OTOF: variants seen among roughly 807,000 people sequenced by gnomAD.
The protein encoded by OTOF is fer-1-like family member 2.
A neutral mutation model predicts 236.8 loss-of-function variants in OTOF; 218 were observed. The ratio of observed to expected loss-of-function variants is 0.92; its 90% CI spans 0.82 to 1.03. The LOEUF (loss-of-function observed/expected upper bound fraction) is 1.03. Ranked by LOEUF, OTOF falls within the 50% of genes least tolerant of loss-of-function variation. OTOF has a pLI of 0.00. For synonymous variants in OTOF, 1,041 were observed against 1,072.5 expected (o/e 0.97, Z 0.57); for missense variants, 2,590 against 2,694.4 (o/e 0.96, Z 0.86).
chr2:26,505,139 A>T (rs555298126), intron 5 of OTOF, among the ~76,000 whole-genome samples: 1 of 152,154 alleles, frequency 6.6e-6, no homozygotes, highest in African/African-American at 2.4e-5. Context: ...TTTACTGTTC[A>T]TATGCAGGAC....
chr2:26,518,838 A>G (rs1171070313), intron 4 of OTOF, among the ~76,000 whole-genome samples, 172 bp downstream of exon 4: 2 of 152,242 alleles, frequency 1.3e-5, no homozygotes, highest in Non-Finnish European at 2.9e-5. Flanking sequence ...GCCTCCAGCC[A>G]TGGCCACAGA....
At position 26,467,318 on chromosome 2, in the gene OTOF, C is replaced by T. The variant is rs374294487; in HGVS notation, c.4227+47G>A. 5.0e-6 allele frequency: 8 copies of T among 1,613,676 alleles called. No individual in the cohort carries two copies. In the African/African-American group the frequency reaches 1.1e-4, roughly 22 times the overall value. ...ACCTGCAGGATCACTGCGCCCCCCTCTTCCCGCCCCCACACACCCTAGAAG... is the reference window on the plus strand; with the variant it reads ...ACCTGCAGGATCACTGCGCCCCCCTTTTCCCGCCCCCACACACCCTAGAAG... On this transcript the variant is annotated intron_variant, in intron 34 of 46. Transcript: ENST00000272371.
chr2:26,471,354 G>A (rs1304783347), intron 30 of OTOF, among the ~76,000 whole-genome samples: 1 of 152,196 alleles, frequency 6.6e-6, no homozygotes, highest in African/African-American at 2.4e-5. Flanking sequence ...ATGTTTCTTT[G>A]GGTGGCCAAA....
chr2:26,478,153 T>C (rs901536740), intron 18 of OTOF: 9 of 729,012 alleles, frequency 1.2e-5, no homozygotes, highest in Non-Finnish European at 1.7e-5. Context: ...TGGGAACAGA[T>C]GCCTGGGGGA....
chr2:26,492,710 G>C (rs1321734522), intron 9 of OTOF, among the ~76,000 whole-genome samples: 1 of 152,162 alleles, frequency 6.6e-6, no homozygotes, highest in East Asian at 1.9e-4. Context: ...AGGAGACTGG[G>C]AGCCTCCAGT....
At chr2:26,469,364 G>A (rs1402010178) in intron 32 of OTOF, among the ~76,000 whole-genome samples, 1 of 152,196 alleles carries the variant, frequency 6.6e-6, no homozygotes, top group Non-Finnish European at 1.5e-5. Context: ...TGGCCAACTT[G>A]ATGGTGGGAG....
rs116154138 is a variant in OTOF, at chr2:26,474,195, G to T, written c.3289-85C>A. 4.0e-3 allele frequency: 6,269 copies of T among 1,580,742 alleles called. 186 individuals are homozygous for T. The African/African-American group carries it at 0.07, about 18-fold the overall frequency. ...CATGAGTTGTTTGCCATGATCTGGG[G>T]AGACAGGGAAACCCCCTAAGGACCA... On this transcript the variant is annotated intron_variant, in intron 26 of 46. Coordinates refer to ENST00000272371, the MANE Select transcript of OTOF (RefSeq NM_194248.3).
chr2:26,502,100 G>A (rs1386242069), intron 7 of OTOF, among the ~76,000 whole-genome samples, 200 bp downstream of exon 7: 3 of 152,274 alleles, frequency 2.0e-5, no homozygotes, highest in South Asian at 2.1e-4. Context: ...CTGAGAACAG[G>A]CCTGCAGCTG....
chr2:26,464,267 G>A (rs371059357), intron 39 of OTOF, among the ~76,000 whole-genome samples, 161 bp from the exon 40 acceptor site: 1 of 152,102 alleles, frequency 6.6e-6, no homozygotes, highest in Non-Finnish European at 1.5e-5. Flanking sequence ...AGGAGAAGTG[G>A]CTTGCCCAGG....
In OTOF at chr2:26,476,203, A is replaced by G; in HGVS notation, c.2791T>C (p.Cys931Arg). 6.2e-7 allele frequency: 1 copy of G among 1,610,372 alleles called. No individual in the cohort carries two copies. ...GCTGCCTTGACCTCCTGGAAGCCAC[A>G]GGGCAGGCCGCACAGGAACTCCTTG... ...QRKEFLCGLP[C>R]GFQEVKAAQG... is the part of the protein sequence containing the mutation. Residue 931 changes from cysteine (C) to arginine (R), a missense_variant, in exon 23 of 47, where the codon TGT (cysteine) becomes CGT (arginine). Transcript: ENST00000272371.
In OTOF at chr2:26,462,780, A is replaced by G. The variant is rs1572402616; in HGVS notation, c.5193-599T>C. Among the ~76,000 whole-genome samples, 1 of 152,222 alleles carries G rather than the reference A, an allele frequency of 6.6e-6. No individual in the cohort carries two copies. Among genetic ancestry groups the G allele is most frequent in the Non-Finnish European group, 1.5e-5 (1 of 68,042 alleles). ...TGGGGCCAGCGCCAAATGGAAATGC[A>G]GGGTCACTTGTCATAAAGAATTTCA... On this transcript the variant is annotated intron_variant, in intron 41 of 46. Transcript: ENST00000272371. This position sits in a 1 kb window ranked among gnomAD's most constrained non-coding sequence, Gnocchi z 4.7.
intron 32 of OTOF, among the ~76,000 whole-genome samples, chr2:26,469,114 G>A (rs1248640148): frequency 6.6e-6 from 1 of 152,032 alleles, no homozygotes; most frequent in South Asian, 2.1e-4. Flanking sequence ...AAAAAGTACA[G>A]TGCATTTTAA....
intron 38 of OTOF, among the ~76,000 whole-genome samples, chr2:26,465,304 C>T (rs1433567279): frequency 6.6e-6 from 1 of 152,190 alleles, no homozygotes; most frequent in East Asian, 1.9e-4. Context: ...CAGAGACTCC[C>T]ATGAGGAAAC....
Position 26,480,925 on chromosome 2 carries a change from A to C in OTOF, c.1664T>G (p.Leu555Arg). 1 of 1,613,066 alleles carries C rather than the reference A, an allele frequency of 6.2e-7. No homozygotes were observed. The highest frequency in any genetic ancestry group is 8.5e-7 in the Non-Finnish European group (1 of 1,180,018). ...NYTLLDEHQD[L>R]NEGLGEGVSF... ...CACACCCTCCCCCAGGCCCTCGTTCAGGTCCTGATGCTCATCCAGCAGCGT... is the reference window on the plus strand; with the variant it reads ...CACACCCTCCCCCAGGCCCTCGTTCCGGTCCTGATGCTCATCCAGCAGCGT... Residue 555 changes from leucine to arginine, a missense_variant, in exon 15 of 47, where the codon CTG (leucine) becomes CGG (arginine). Around this residue, in one of 2 missense-constraint regions of OTOF, gnomAD observed 1,379 missense variants for 1,341.6 expected, o/e 1.03. Transcript: ENST00000272371.
In OTOF at chr2:26,480,307, C is replaced by T; in HGVS notation, c.1808G>A (p.Cys603Tyr). The change falls in exon 16 of 47, where the codon TGT (cysteine) becomes TAT (tyrosine). Residue 603 changes from cysteine to tyrosine, a missense_variant. Transcript: ENST00000272371. ...VEQATPISES[C>Y]AGKMEEFFLF... ...AAAGAATTCTTCCATTTTACCTGCA[C>T]AGCTCTGTGGGGAGGCAGTTCAAAG... 1 of 1,596,210 alleles carries T rather than the reference C, an allele frequency of 6.3e-7. No homozygotes were observed. Among genetic ancestry groups the T allele is most frequent in the African/African-American group, 1.3e-5 (1 of 74,742 alleles).
At position 26,519,069 on chromosome 2, in the gene OTOF, C is replaced by T; in HGVS notation, c.268G>A (p.Glu90Lys). ...TFRMVLQKVV[E>K]ESHVEVTDTL... Reference sequence around the variant, plus strand: ...TCAGTCACCTCCACATGGCTCTCCTCTACCACCTTCTGCAGCACCATGCGG... The same window carrying T: ...TCAGTCACCTCCACATGGCTCTCCTTTACCACCTTCTGCAGCACCATGCGG... Residue 90 changes from glutamate to lysine, a missense_variant, in exon 4 of 47, where the codon GAG becomes AAG. Transcript: ENST00000272371. 6.2e-7 allele frequency: 1 copy of T among 1,608,726 alleles called. No homozygotes were observed. Among genetic ancestry groups the T allele is most frequent in the Non-Finnish European group, 8.5e-7 (1 of 1,176,910 alleles).
chr2:26,497,599 A>G (rs1336772700), intron 8 of OTOF, among the ~76,000 whole-genome samples: 1 of 152,252 alleles, frequency 6.6e-6, no homozygotes, highest in African/African-American at 2.4e-5. Flanking sequence ...TTAAAAATCT[A>G]CACATCAGAA....
chr2:26,486,110 A>C (rs1413938763), intron 11 of OTOF, among the ~76,000 whole-genome samples: 1 of 152,178 alleles, frequency 6.6e-6, no homozygotes, highest in Non-Finnish European at 1.5e-5. Context: ...TACTGGATAG[A>C]AGGAGCCATT....
chr2:26,459,185 G>C (rs76002010), intron 46 of OTOF, among the ~76,000 whole-genome samples: 3,353 of 152,284 alleles, frequency 0.022, 97 homozygotes, highest in East Asian at 0.14. Context: ...GCCATTTCCA[G>C]ACCTGTTGGC....
Sources: gnomAD v4.1 joint callset for allele counts (sites outside exome capture counted in the v4.1 genomes callset) on GRCh38, gnomAD v4.1.1 for gene constraint, gnomAD v4.1.1 regional missense constraint, Gnocchi (gnomAD v3.1) non-coding constraint, MANE v1.5 for transcripts, NCBI Gene and HGNC (gene_info 2026-07-23, HGNC 2026-07-21) for gene names.